FAT3: variants seen among roughly 807,000 people sequenced by gnomAD.
FAT3 encodes the protein FAT atypical cadherin 3, also known as protocadherin Fat 3.
Under a neutral mutation model 310.2 loss-of-function variants are expected in FAT3, and 95 were observed. The observed-to-expected ratio is 0.31, with a 90% CI of 0.26 to 0.36. The LOEUF (loss-of-function observed/expected upper bound fraction) is 0.36, where lower values mean the gene tolerates loss of function less well. FAT3 is among the 10% of genes least tolerant of loss of function. FAT3 has a pLI of 1.00. For missense variants in FAT3, 5,408 were observed against 5,715.6 expected (o/e 0.95, Z 1.74); for synonymous variants, 2,314 against 2,192.9 (o/e 1.06, Z -1.54).
chr11:92,467,780 A>G (rs1054845186), intron 2 of FAT3, among the ~76,000 whole-genome samples: 1 of 152,084 alleles, frequency 6.6e-6, no homozygotes, highest in Non-Finnish European at 1.5e-5. Context: ...GTTTTTGAAC[A>G]TTTTTTCTGA....
At chr11:92,407,237 G>A (rs867831920) in intron 2 of FAT3, among the ~76,000 whole-genome samples, 2 of 152,096 alleles carry the variant, frequency 1.3e-5, no homozygotes, top group South Asian at 2.1e-4. Context: ...GAACAGTTAC[G>A]GGATATTTTC....
At chr11:92,598,468 T>C (rs955847018) in intron 3 of FAT3, among the ~76,000 whole-genome samples, 3 of 152,104 alleles carry the variant, frequency 2.0e-5, no homozygotes, top group Non-Finnish European at 4.4e-5. Context: ...CACCTTGGCC[T>C]CTCAAAGTGT....
chr11:92,667,034 C>T (rs1353245682), intron 3 of FAT3, among the ~76,000 whole-genome samples: 1 of 152,086 alleles, frequency 6.6e-6, no homozygotes, highest in Non-Finnish European at 1.5e-5. Context: ...AAACCAGCTA[C>T]ACCGAGAGCT....
At chr11:92,720,300 CTCT>C (rs1944824872) in intron 4 of FAT3, among the ~76,000 whole-genome samples, 1 of 152,098 alleles carries the variant, frequency 6.6e-6, no homozygotes, top group African/African-American at 2.4e-5. Flanking sequence ...GGGATTGATT[CTCT>C]TCTTTTACCT....
At chr11:92,489,409 C>T (rs527984509) in intron 2 of FAT3, among the ~76,000 whole-genome samples, 2 of 152,188 alleles carry the variant, frequency 1.3e-5, no homozygotes, top group South Asian at 2.1e-4. Context: ...ATTTAGTCCC[C>T]GAATGTACTT....
chr11:92,817,991 G>C (rs1346158474), intron 13 of FAT3, among the ~76,000 whole-genome samples: 1 of 152,146 alleles, frequency 6.6e-6, no homozygotes, highest in South Asian at 2.1e-4. Flanking sequence ...ACATGCCCTG[G>C]GTTCTCAGTT....
At chr11:92,301,399 G>A (rs1473250197) in intron 1 of FAT3, among the ~76,000 whole-genome samples, 1 of 152,136 alleles carries the variant, frequency 6.6e-6, no homozygotes, top group African/African-American at 2.4e-5. Flanking sequence ...GGATGGAGGT[G>A]GCTGGGGCAG....
chr11:92,663,779 C>A (rs1279467367), intron 3 of FAT3, among the ~76,000 whole-genome samples: 1 of 152,166 alleles, frequency 6.6e-6, no homozygotes, highest in Non-Finnish European at 1.5e-5. Flanking sequence ...TTAAAGAAGA[C>A]CCACACCAGC....
intron 19 of FAT3, among the ~76,000 whole-genome samples, chr11:92,845,357 G>C (rs1948659386): frequency 6.6e-6 from 1 of 152,188 alleles, no homozygotes. Flanking sequence ...AGAGGGGAAT[G>C]GATTAGAGGA....
intron 2 of FAT3, among the ~76,000 whole-genome samples, chr11:92,479,794 C>G (rs926840641): frequency 6.6e-6 from 1 of 152,132 alleles, no homozygotes; most frequent in Admixed American, 6.5e-5. Flanking sequence ...GCTTTACTCC[C>G]AAGTGTAACT....
At chr11:92,508,609 G>C (rs1207936695) in intron 2 of FAT3, among the ~76,000 whole-genome samples, 2 of 152,126 alleles carry the variant, frequency 1.3e-5, no homozygotes, top group Non-Finnish European at 2.9e-5. Flanking sequence ...ATATCTCACG[G>C]AGGAAATAGT....
intron 2 of FAT3, among the ~76,000 whole-genome samples, chr11:92,456,934 A>G (rs1255292130): frequency 2.6e-5 from 4 of 152,146 alleles, no homozygotes; most frequent in African/African-American, 9.7e-5. Flanking sequence ...GAGGATGATC[A>G]TGGGTCTGTA....
At chr11:92,381,245 C>T (rs1170817129) in intron 2 of FAT3, among the ~76,000 whole-genome samples, 1 of 152,168 alleles carries the variant, frequency 6.6e-6, no homozygotes, top group Non-Finnish European at 1.5e-5. Context: ...TGCAGTGGCT[C>T]ACGCCTGTAA....
chr11:92,863,876 A>G (rs1949176092), intron 21 of FAT3, among the ~76,000 whole-genome samples: 1 of 152,220 alleles, frequency 6.6e-6, no homozygotes, highest in African/African-American at 2.4e-5. Context: ...ACTTTTCACA[A>G]GGTAACTTTT....
At chr11:92,608,037 C>T (rs950752035) in intron 3 of FAT3, among the ~76,000 whole-genome samples, 1 of 151,718 alleles carries the variant, frequency 6.6e-6, no homozygotes, top group Non-Finnish European at 1.5e-5. Context: ...CTACAAATAC[C>T]ATGACATCTA....
chr11:92,355,442 C>A, intron 2 of FAT3, 38 bp downstream of exon 2: 1 of 1,563,058 alleles, frequency 6.4e-7, no homozygotes, highest in South Asian at 1.2e-5. Context: ...GTTGTTTCAC[C>A]TCTTTTAAAT....
At chr11:92,430,667 C>A (rs977317729) in intron 2 of FAT3, among the ~76,000 whole-genome samples, 5 of 152,214 alleles carry the variant, frequency 3.3e-5, no homozygotes, top group South Asian at 4.1e-4. Context: ...CCGCTCCCCC[C>A]ACCCTACAAC....
intron 3 of FAT3, among the ~76,000 whole-genome samples, chr11:92,678,610 A>G (rs1159445541): frequency 6.6e-6 from 1 of 152,156 alleles, no homozygotes; most frequent in Admixed American, 6.5e-5. Flanking sequence ...CATTGCTATG[A>G]GACCAAACTT....
intron 1 of FAT3, among the ~76,000 whole-genome samples, chr11:92,304,096 T>C (rs1947063783): frequency 6.6e-6 from 1 of 152,146 alleles, no homozygotes; most frequent in African/African-American, 2.4e-5. Context: ...ACAAGACTTT[T>C]TCCCTCTTAA....
Sources: gnomAD v4.1 joint callset for allele counts (sites outside exome capture counted in the v4.1 genomes callset) on GRCh38, gnomAD v4.1.1 for gene constraint, MANE v1.5 for transcripts, NCBI Gene and HGNC (gene_info 2026-07-23, HGNC 2026-07-21) for gene names.